The following HECW2 variants were observed in gnomAD, a reference collection of about 807,000 sequenced individuals.
HECW2 encodes the protein E3 ubiquitin-protein ligase HECW2.
A neutral mutation model predicts 175.2 loss-of-function variants in HECW2; 61 were observed. The ratio of observed to expected loss-of-function variants is 0.35; its 90% CI spans 0.28 to 0.43. The LOEUF (loss-of-function observed/expected upper bound fraction) is 0.43, where lower values mean the gene tolerates loss of function less well. Among genes scored for constraint, HECW2 ranks in the 20% least tolerant of loss-of-function variants. The pLI, the probability that HECW2 is intolerant of heterozygous loss-of-function variation, is 1.00. For synonymous variants in HECW2, 671 were observed against 731.0 expected (o/e 0.92, Z 1.32); for missense variants, 1,524 against 2,000.5 (o/e 0.76, Z 4.54).
intron 1 of HECW2, among the ~76,000 whole-genome samples, chr2:196,542,000 A>C (rs557479074): frequency 6.6e-6 from 1 of 152,190 alleles, no homozygotes; most frequent in South Asian, 2.1e-4. Flanking sequence ...ACGGTGGCTC[A>C]TGCCTGTAAT....
chr2:196,482,831 A>G (rs1247544633), intron 1 of HECW2, among the ~76,000 whole-genome samples: 1 of 152,196 alleles, frequency 6.6e-6, no homozygotes, highest in Non-Finnish European at 1.5e-5. Flanking sequence ...CCAAATGCAG[A>G]GCCTTTCTGA....
chr2:196,380,415 C>T (rs1463082704), intron 2 of HECW2, among the ~76,000 whole-genome samples: 1 of 152,228 alleles, frequency 6.6e-6, no homozygotes, highest in Non-Finnish European at 1.5e-5. Context: ...TATATTTGAG[C>T]TTTTCAAAGC....
chr2:196,371,301 C>G (rs1016479306), intron 2 of HECW2, among the ~76,000 whole-genome samples: 1 of 152,150 alleles, frequency 6.6e-6, no homozygotes, highest in Non-Finnish European at 1.5e-5. Context: ...AACAGACATA[C>G]ATCTGTACCT....
At chr2:196,270,804 C>T (rs1391070856) in intron 17 of HECW2, among the ~76,000 whole-genome samples, 1 of 151,974 alleles carries the variant, frequency 6.6e-6, no homozygotes, top group Non-Finnish European at 1.5e-5. Context: ...CAGGTTCAAG[C>T]GATTCTCCTG....
At chr2:196,591,662 T>C (rs1691198119) in intron 1 of HECW2, among the ~76,000 whole-genome samples, 1 of 151,838 alleles carries the variant, frequency 6.6e-6, no homozygotes, top group African/African-American at 2.4e-5. Context: ...CCTCTAATAG[T>C]GAAGTGGATA....
chr2:196,502,513 A>G (rs979054768), intron 1 of HECW2, among the ~76,000 whole-genome samples: 1 of 152,232 alleles, frequency 6.6e-6, no homozygotes, highest in African/African-American at 2.4e-5. Context: ...CGTTTGTTAC[A>G]CATAATCGCA....
chr2:196,420,607 A>G (rs984297136), intron 2 of HECW2, among the ~76,000 whole-genome samples: 1 of 152,244 alleles, frequency 6.6e-6, no homozygotes, highest in African/African-American at 2.4e-5. Flanking sequence ...GTAAACCAAC[A>G]AGGATTTGAA....
intron 2 of HECW2, among the ~76,000 whole-genome samples, chr2:196,385,830 A>G (rs987694426): frequency 1.3e-5 from 2 of 152,218 alleles, no homozygotes; most frequent in Admixed American, 1.3e-4. Context: ...TTACTTAGGA[A>G]TTTGGTCCAA....
chr2:196,281,897 T>C (rs762753723), intron 14 of HECW2, among the ~76,000 whole-genome samples: 1 of 152,092 alleles, frequency 6.6e-6, no homozygotes, highest in African/African-American at 2.4e-5. Flanking sequence ...TTGGGCAAAT[T>C]AGTTAAAATT....
intron 2 of HECW2, among the ~76,000 whole-genome samples, chr2:196,397,964 A>G (rs973415338): frequency 6.6e-6 from 1 of 152,240 alleles, no homozygotes; most frequent in Non-Finnish European, 1.5e-5. Flanking sequence ...AAGTTCTAAC[A>G]GCCCTGCAGA....
chr2:196,480,694 C>T (rs985124134), intron 1 of HECW2, among the ~76,000 whole-genome samples: 2 of 152,204 alleles, frequency 1.3e-5, no homozygotes, highest in African/African-American at 4.8e-5. Context: ...CAATGCCACG[C>T]AAAACCTAGT....
At position 196,560,428 on chromosome 2, in the gene HECW2, T is replaced by C. The variant is rs192671940; in HGVS notation, c.-36+33080A>G. On this transcript the variant is annotated intron_variant, in intron 1 of 28. Transcript: ENST00000644978. ...TCCCAAAGTGCTGGGATTACGGGCC[T>C]GAGCCACTGTGCCCAGCCTTAACCA... Among the ~76,000 whole-genome samples, 6 of 152,332 alleles carry C rather than the reference T, an allele frequency of 3.9e-5. No individual in the cohort carries two copies. The East Asian group carries it at 1.2e-3, about 29-fold the overall frequency.
chr2:196,343,211 G>C (rs1028075665), intron 3 of HECW2, among the ~76,000 whole-genome samples: 3 of 152,058 alleles, frequency 2.0e-5, no homozygotes, highest in African/African-American at 7.2e-5. Flanking sequence ...TAAAGTGTCA[G>C]AGTATATGCA....
intron 19 of HECW2, among the ~76,000 whole-genome samples, chr2:196,245,689 A>G (rs1403265815): frequency 6.6e-6 from 1 of 152,202 alleles, no homozygotes; most frequent in Non-Finnish European, 1.5e-5. Context: ...AGATTTTACT[A>G]ATGAATTTGT....
chr2:196,229,903 C>CCT, intron 21 of HECW2, among the ~76,000 whole-genome samples: 1 of 152,184 alleles, frequency 6.6e-6, no homozygotes, highest in Admixed American at 6.5e-5. Context: ...TCCCAATGTA[C>CCT]CTTAAAATGA....
At chr2:196,278,133 A>ATATATATATATATATATATACATAT in intron 15 of HECW2, among the ~76,000 whole-genome samples, 1 of 66,570 alleles carries the variant, frequency 1.5e-5, no homozygotes, top group South Asian at 6.5e-4. Context: ...ATAATTAAAA[A>ATATATATATATATATATATACATAT]ATATATATAT....
intron 1 of HECW2, among the ~76,000 whole-genome samples, chr2:196,569,729 A>G (rs188392878): frequency 7.7e-4 from 118 of 152,372 alleles, no homozygotes; most frequent in African/African-American, 2.7e-3. Context: ...TGAACACACT[A>G]TCTCTCATAA....
chr2:196,345,924 G>A (rs1692939137), intron 2 of HECW2, among the ~76,000 whole-genome samples: 1 of 152,188 alleles, frequency 6.6e-6, no homozygotes, highest in African/African-American at 2.4e-5. Context: ...CTGGTCACTT[G>A]GAAGGCACAG....
intron 1 of HECW2, among the ~76,000 whole-genome samples, chr2:196,582,107 C>T (rs1690808580): frequency 7.0e-6 from 1 of 143,266 alleles, no homozygotes; most frequent in Admixed American, 6.7e-5. Flanking sequence ...TTATCCTTAC[C>T]CTGAAGAAAT....
Sources: gnomAD v4.1 joint callset for allele counts (sites outside exome capture counted in the v4.1 genomes callset) on GRCh38, gnomAD v4.1.1 for gene constraint, MANE v1.5 for transcripts, NCBI Gene and HGNC (gene_info 2026-07-23, HGNC 2026-07-21) for gene names.